PLPPR5: variants seen among roughly 807,000 people sequenced by gnomAD.
The protein encoded by PLPPR5 is phospholipid phosphatase-related protein type 5.
PLPPR5 carries 16 observed loss-of-function variants against 33.9 expected under a neutral mutation model. That is an observed-to-expected ratio of 0.47 (90% CI 0.32 to 0.72). The LOEUF (loss-of-function observed/expected upper bound fraction) is 0.72, where lower values mean the gene tolerates loss of function less well. Ranked by LOEUF, PLPPR5 falls within the 30% of genes least tolerant of loss-of-function variation. The probability of loss-of-function intolerance (pLI) is 0.03; values close to 1 mark genes in which losing one functional copy is unlikely to be tolerated. For synonymous variants in PLPPR5, 163 were observed against 150.3 expected (o/e 1.08, Z -0.62); for missense variants, 301 against 406.7 (o/e 0.74, Z 2.23).
intron 3 of PLPPR5, among the ~76,000 whole-genome samples, chr1:98,935,170 A>G (rs1393757001): frequency 6.6e-6 from 1 of 152,204 alleles, no homozygotes; most frequent in Non-Finnish European, 1.5e-5. Context: ...TACAAATTAC[A>G]AGATAGTGAC....
chr1:98,921,878 T>A lies in PLPPR5; in HGVS notation c.798+4A>T. The A allele has an allele frequency of 6.3e-7, 1 of 1,599,514 alleles. No individual in the cohort carries two copies. Among genetic ancestry groups the A allele is most frequent in the South Asian group, 1.1e-5 (1 of 89,078 alleles). ...CAATGATATATAAATAAATTTGTACTTACCAGAAATACTGCTATAGATATT... is the reference window on the plus strand; with the variant it reads ...CAATGATATATAAATAAATTTGTACATACCAGAAATACTGCTATAGATATT... On this transcript the variant is annotated splice_donor_region_variant and intron_variant, in intron 4 of 5. Transcript: ENST00000263177.
chr1:98,937,701 G>A (rs1017163199), intron 3 of PLPPR5, among the ~76,000 whole-genome samples: 2 of 152,158 alleles, frequency 1.3e-5, no homozygotes, highest in East Asian at 1.9e-4. Flanking sequence ...AATCTTCCCA[G>A]TTAAGGTTGG....
chr1:98,937,793 A>G (rs1348193903), intron 3 of PLPPR5, among the ~76,000 whole-genome samples: 1 of 152,200 alleles, frequency 6.6e-6, no homozygotes, highest in Non-Finnish European at 1.5e-5. Flanking sequence ...GCATAGTAAA[A>G]TGGTTGTTTT....
chr1:98,904,468 C>T (rs948619674), intron 5 of PLPPR5, among the ~76,000 whole-genome samples: 4 of 152,080 alleles, frequency 2.6e-5, no homozygotes, highest in African/African-American at 9.7e-5. Context: ...CTTAGATCTA[C>T]TGGAAATATC....
At chr1:98,976,930 A>C (rs1651884582) in intron 1 of PLPPR5, among the ~76,000 whole-genome samples, 1 of 152,012 alleles carries the variant, frequency 6.6e-6, no homozygotes, top group African/African-American at 2.4e-5. Context: ...ATAGCAGCAG[A>C]TAATTGCTCC....
intron 5 of PLPPR5, among the ~76,000 whole-genome samples, chr1:98,907,872 T>C (rs55962014): frequency 0.2 from 29,789 of 152,106 alleles, 3,131 homozygotes; most frequent in African/African-American, 0.22. Flanking sequence ...CAGTCTAACT[T>C]CTATTCCAGG....
At chr1:98,934,574 G>A (rs1013787377) in intron 3 of PLPPR5, among the ~76,000 whole-genome samples, 3 of 152,186 alleles carry the variant, frequency 2.0e-5, no homozygotes, top group African/African-American at 7.2e-5. Context: ...AGGGAAGTCT[G>A]TTGCTGCTGA....
chr1:98,921,434 C>T (rs570142032), intron 4 of PLPPR5, among the ~76,000 whole-genome samples: 4 of 152,152 alleles, frequency 2.6e-5, no homozygotes, highest in Non-Finnish European at 5.9e-5. Context: ...TTGGGATTCT[C>T]TCAATACCCC....
chr1:98,960,754 G>A (rs1050220998), intron 1 of PLPPR5, among the ~76,000 whole-genome samples: 24 of 152,114 alleles, frequency 1.6e-4, no homozygotes, highest in African/African-American at 5.6e-4. Context: ...CTGAGTCACT[G>A]AGAGAATCTG....
intron 1 of PLPPR5, among the ~76,000 whole-genome samples, chr1:98,983,402 A>G (rs1570754715): frequency 3.3e-5 from 4 of 121,270 alleles, no homozygotes; most frequent in East Asian, 2.5e-4. Flanking sequence ...CCATGTCCCT[A>G]CAAAGGACAT....
At chr1:98,923,606 G>C (rs1310964168) in intron 3 of PLPPR5, among the ~76,000 whole-genome samples, 2 of 151,998 alleles carry the variant, frequency 1.3e-5, no homozygotes, top group Non-Finnish European at 2.9e-5. Context: ...GTGATACAAG[G>C]CATCTCTCTA....
At chr1:98,895,247 T>G (rs1200339184) in intron 5 of PLPPR5, among the ~76,000 whole-genome samples, 1 of 152,026 alleles carries the variant, frequency 6.6e-6, no homozygotes, top group Non-Finnish European at 1.5e-5. Flanking sequence ...AAAGCAAGTT[T>G]AGTCCCCTTC....
At chr1:98,906,063 T>C (rs953026346) in intron 5 of PLPPR5, among the ~76,000 whole-genome samples, 1 of 151,952 alleles carries the variant, frequency 6.6e-6, no homozygotes, top group Non-Finnish European at 1.5e-5. Flanking sequence ...TGTGGTTGTG[T>C]TAGTTTTCAC....
At chr1:98,956,341 T>C (rs1047556418) in intron 2 of PLPPR5, among the ~76,000 whole-genome samples, 7 of 152,188 alleles carry the variant, frequency 4.6e-5, no homozygotes, top group African/African-American at 1.7e-4. Flanking sequence ...TATTTTTAAA[T>C]TTTTTAATTT....
chr1:98,952,993 C>A, intron 3 of PLPPR5, 77 bp downstream of exon 3: 1 of 1,535,938 alleles, frequency 6.5e-7, no homozygotes, highest in South Asian at 1.2e-5. Flanking sequence ...TTCATTATGG[C>A]AGAGAAAAAG....
At chr1:98,962,550 A>G (rs1465132738) in intron 1 of PLPPR5, among the ~76,000 whole-genome samples, 1 of 152,214 alleles carries the variant, frequency 6.6e-6, no homozygotes, top group African/African-American at 2.4e-5. Flanking sequence ...GCATTAAAGC[A>G]TACTCAGAAC....
intron 4 of PLPPR5, among the ~76,000 whole-genome samples, chr1:98,916,103 A>G (rs1649338500): frequency 6.6e-6 from 1 of 152,188 alleles, no homozygotes; most frequent in Non-Finnish European, 1.5e-5. Context: ...CATAGAGTTC[A>G]TTACTGAATA....
chr1:98,933,279 C>T (rs1650052211), intron 3 of PLPPR5, among the ~76,000 whole-genome samples: 1 of 151,244 alleles, frequency 6.6e-6, no homozygotes, highest in South Asian at 2.1e-4. Context: ...GTCAGGAGAT[C>T]GAGACCATCC....
At chr1:98,982,113 T>G (rs750265607) in intron 1 of PLPPR5, among the ~76,000 whole-genome samples, 4 of 152,028 alleles carry the variant, frequency 2.6e-5, no homozygotes, top group Non-Finnish European at 4.4e-5. Flanking sequence ...AGATCCTGAG[T>G]GACAATAAAA....
Sources: gnomAD v4.1 joint callset for allele counts (sites outside exome capture counted in the v4.1 genomes callset) on GRCh38, gnomAD v4.1.1 for gene constraint, MANE v1.5 for transcripts, NCBI Gene and HGNC (gene_info 2026-07-23, HGNC 2026-07-21) for gene names.